Variants in CHRNB3 observed in about 807,000 individuals in gnomAD.
CHRNB3 encodes the protein neuronal acetylcholine receptor subunit beta-3.
In CHRNB3, 37 loss-of-function variants were observed where a neutral mutation model predicts 40.6. The ratio of observed to expected loss-of-function variants is 0.91; its 90% CI spans 0.70 to 1.20. The LOEUF (loss-of-function observed/expected upper bound fraction) is 1.20. Among genes scored for constraint, CHRNB3 ranks in the 50% most tolerant of loss-of-function variants. The pLI, the probability that CHRNB3 is intolerant of heterozygous loss-of-function variation, is 0.00. For missense variants in CHRNB3, 505 were observed against 551.2 expected (o/e 0.92, Z 0.84); for synonymous variants, 207 against 207.1 (o/e 1.00, Z 0.00).
intron 5 of CHRNB3, among the ~76,000 whole-genome samples, chr8:42,733,885 G>A (rs1411641422): frequency 3.3e-5 from 5 of 149,326 alleles, no homozygotes; most frequent in South Asian, 2.2e-4. Flanking sequence ...ATGAGCCACC[G>A]TGACCAGCCC....
intron 1 of CHRNB3, among the ~76,000 whole-genome samples, chr8:42,703,768 T>C (rs1458879122): frequency 6.6e-6 from 1 of 152,032 alleles, no homozygotes; most frequent in Non-Finnish European, 1.5e-5. Flanking sequence ...TGTTCATTCA[T>C]CAAACATCAT....
At chr8:42,706,456 G>A (rs915181340) in intron 1 of CHRNB3, among the ~76,000 whole-genome samples, 3 of 152,204 alleles carry the variant, frequency 2.0e-5, no homozygotes, top group African/African-American at 7.2e-5. Flanking sequence ...CAATTAGGAA[G>A]CAGTGCAGGA....
intron 4 of CHRNB3, among the ~76,000 whole-genome samples, chr8:42,731,057 AAAATAAAT>A (rs201920356): frequency 2.2e-5 from 3 of 138,874 alleles, no homozygotes; most frequent in East Asian, 2.0e-4. Flanking sequence ...TCCGTCTCAA[AAAATAAAT>A]AAATAAATAA....
chr8:42,730,591 C>G lies in CHRNB3; in HGVS notation c.250-3C>G. On this transcript the variant is annotated splice_polypyrimidine_tract_variant and splice_region_variant and intron_variant, in intron 3 of 5. Coordinates refer to ENST00000289957, the MANE Select transcript of CHRNB3 (RefSeq NM_000749.5). ...AAAATCACAGTGTACTAATTTCATG[C>G]AGGAATGGACAGACCACAAGTTACG... is the stretch of plus-strand genomic sequence containing the variant. The G allele has an allele frequency of 6.5e-7, 1 of 1,546,198 alleles. No homozygotes were observed. The highest frequency in any genetic ancestry group is 1.7e-4 in the Middle Eastern group (1 of 5,836).
chr8:42,730,089 C>T (rs976863784), intron 3 of CHRNB3, among the ~76,000 whole-genome samples: 1 of 152,116 alleles, frequency 6.6e-6, no homozygotes, highest in South Asian at 2.1e-4. Context: ...GATACAAGTT[C>T]TAATGTGATC....
chr8:42,726,165 C>G (rs1369852327), intron 3 of CHRNB3: 3 of 1,325,178 alleles, frequency 2.3e-6, no homozygotes, highest in Non-Finnish European at 3.2e-6. Flanking sequence ...GCTTGATAAG[C>G]TGTCCTCATT....
At chr8:42,726,659 C>T (rs1272626680) in intron 3 of CHRNB3, among the ~76,000 whole-genome samples, 8 of 151,858 alleles carry the variant, frequency 5.3e-5, no homozygotes, top group East Asian at 3.9e-4. Context: ...CCATCATGCC[C>T]GGCTAATTTT....
chr8:42,716,783 C>T (rs1816116819), intron 3 of CHRNB3, among the ~76,000 whole-genome samples: 1 of 152,062 alleles, frequency 6.6e-6, no homozygotes, highest in Non-Finnish European at 1.5e-5. Context: ...CGAGTCCCCG[C>T]CTCCAGAGTC....
At chr8:42,730,727 T>C in intron 4 of CHRNB3, 24 bp downstream of exon 4, 8 of 1,453,176 alleles carry the variant, frequency 5.5e-6, no homozygotes, top group Non-Finnish European at 7.6e-6. Context: ...TGTTTCTTAC[T>C]TATGGGGAAA....
rs755656849 is a variant in CHRNB3, at chr8:42,732,017, C to T, written c.710C>T (p.Thr237Ile). 3.7e-6 allele frequency: 6 copies of T among 1,614,050 alleles called. No homozygotes were observed. The highest frequency in any genetic ancestry group is 3.3e-5 in the Admixed American group (2 of 59,992). The change falls in exon 5 of 6, where the codon ACC becomes ATC. Residue 237 changes from threonine to isoleucine, a missense_variant. Physicochemically the swap from Thr to Ile is moderately conservative, Grantham distance 89 (BLOSUM62 -1). Coordinates refer to ENST00000289957, the MANE Select transcript of CHRNB3 (RefSeq NM_000749.5). ...CTGAGACGCCTGCCTTTATTCTATACCCTCTTTCTCATCATCCCCTGCCTG... is the reference window on the plus strand; with the variant it reads ...CTGAGACGCCTGCCTTTATTCTATATCCTCTTTCTCATCATCCCCTGCCTG... ...FVLRRLPLFY[T>I]LFLIIPCLGL...
intron 3 of CHRNB3, among the ~76,000 whole-genome samples, chr8:42,711,656 A>G (rs1006100319): frequency 6.6e-6 from 1 of 152,040 alleles, no homozygotes; most frequent in Non-Finnish European, 1.5e-5. Flanking sequence ...CAGCCTCCCA[A>G]AGTGCTGGGA....
At chr8:42,713,410 G>T (rs1280142554) in intron 3 of CHRNB3, among the ~76,000 whole-genome samples, 2 of 151,938 alleles carry the variant, frequency 1.3e-5, no homozygotes, top group African/African-American at 2.4e-5. Context: ...AATCCTAAAA[G>T]TCAATTCAAT....
chr8:42,710,544 G>A, intron 3 of CHRNB3, 110 bp downstream of exon 3: 1 of 846,474 alleles, frequency 1.2e-6, no homozygotes, highest in South Asian at 1.6e-5. Context: ...TGTTCCTCAG[G>A]GAGATTTGTG....
intron 1 of CHRNB3, among the ~76,000 whole-genome samples, chr8:42,701,320 T>G (rs1463208459): frequency 1.3e-5 from 2 of 151,290 alleles, no homozygotes; most frequent in Non-Finnish European, 2.9e-5. Context: ...GCAGGAGGAT[T>G]ACTTGAGCCC....
intron 3 of CHRNB3, chr8:42,726,053 G>A: frequency 1.1e-6 from 1 of 949,220 alleles, no homozygotes; most frequent in Non-Finnish European, 1.7e-6. Context: ...CTGTCACCAG[G>A]AATCTTGTAG....
intron 1 of CHRNB3, 99 bp from the exon 2 acceptor site, chr8:42,708,618 C>A: frequency 3.0e-6 from 4 of 1,338,092 alleles, no homozygotes; most frequent in Non-Finnish European, 4.1e-6. Context: ...ACAGACACAG[C>A]CTATGGTGCA....
At chr8:42,735,527 T>C (rs1284008754) in intron 5 of CHRNB3, among the ~76,000 whole-genome samples, 1 of 152,136 alleles carries the variant, frequency 6.6e-6, no homozygotes, top group African/African-American at 2.4e-5. Context: ...AGTGAGACTA[T>C]GTCTCAAAAA....
At position 42,731,698 on chromosome 8, in the gene CHRNB3, A is replaced by C. The variant is rs201834364; in HGVS notation, c.391A>C (p.Thr131Pro). Residue 131 changes from threonine (T) to proline (P), a missense_variant, in exon 5 of 6, where the codon ACC (threonine) becomes CCC (proline). By Grantham distance (38) the Thr-to-Pro change is conservative. Coordinates refer to ENST00000289957, the MANE Select transcript of CHRNB3 (RefSeq NM_000749.5). ...ADGRFEGSLM[T>P]KVIVKSNGTV... ...CGGCCGCTTCGAAGGCTCCCTGATG[A>C]CCAAGGTCATCGTGAAATCAAACGG... 6.2e-7 allele frequency: 1 copy of C among 1,613,140 alleles called. No individual in the cohort carries two copies. The highest frequency in any genetic ancestry group is 1.1e-5 in the South Asian group (1 of 90,962).
intron 1 of CHRNB3, chr8:42,704,291 G>A (rs565184573): frequency 1.3e-5 from 2 of 152,282 alleles, no homozygotes; most frequent in African/African-American, 4.8e-5. Context: ...TGATTTTTGA[G>A]GGATATAAAC....
Sources: gnomAD v4.1 joint callset for allele counts (sites outside exome capture counted in the v4.1 genomes callset) on GRCh38, gnomAD v4.1.1 for gene constraint, MANE v1.5 for transcripts, NCBI Gene and HGNC (gene_info 2026-07-23, HGNC 2026-07-21) for gene names.